Variants in TRAF2 observed in about 807,000 individuals in gnomAD.
TRAF2 encodes the protein TNF receptor associated factor 2.
TRAF2 carries 6 observed loss-of-function variants against 55.6 expected under a neutral mutation model. The ratio of observed to expected loss-of-function variants is 0.11; its 90% confidence interval spans 0.06 to 0.21. The LOEUF (loss-of-function observed/expected upper bound fraction) is 0.21, where lower values mean the gene tolerates loss of function less well. Ranked by LOEUF, TRAF2 falls within the 10% of genes least tolerant of loss-of-function variation. The probability of loss-of-function intolerance (pLI) is 1.00; values close to 1 mark genes in which losing one functional copy is unlikely to be tolerated. For missense variants in TRAF2, 561 were observed against 684.5 expected (o/e 0.82, Z 2.01); for synonymous variants, 329 against 276.3 (o/e 1.19, Z -1.89).
At chr9:136,885,647 A>T (rs2131266315), upstream of TRAF2, among the ~76,000 whole-genome samples, 1 of 152,312 alleles carries the variant, frequency 6.6e-6, no homozygotes, top group Non-Finnish European at 1.5e-5. Flanking sequence ...GGGCGCCTGT[A>T]GTCCCAGCTA....
At chr9:136,916,768 G>C (rs1161876750) in intron 7 of TRAF2, 153 bp downstream of exon 7, 1 of 741,702 alleles carries the variant, frequency 1.3e-6, no homozygotes. Context: ...AGTGTTCCCA[G>C]CTTGGTCTCT....
intron 7 of TRAF2, 50 bp downstream of exon 7, chr9:136,916,665 T>C: frequency 6.4e-7 from 1 of 1,563,570 alleles, no homozygotes; most frequent in South Asian, 1.1e-5. Context: ...CTGGGTGTGG[T>C]CTTCACTGCC....
chr9:136,925,191 G>C (rs757305943), intron 10 of TRAF2, among the ~76,000 whole-genome samples: 4 of 152,190 alleles, frequency 2.6e-5, no homozygotes, highest in Non-Finnish European at 4.4e-5. Flanking sequence ...AGAGTTGGGT[G>C]GGGGAGGGGG....
upstream of TRAF2, chr9:136,886,485 G>T: frequency 1.4e-5 from 14 of 1,003,184 alleles, no homozygotes; most frequent in Non-Finnish European, 1.7e-5. Flanking sequence ...CGGCGGCGGC[G>T]GCGTTGGGGG....
chr9:136,910,079 G>A (rs577235504), intron 6 of TRAF2, 85 bp downstream of exon 6: 4 of 1,389,948 alleles, frequency 2.9e-6, no homozygotes, highest in Non-Finnish European at 4.0e-6. Context: ...GGTGGGGCAG[G>A]TTATGACCCT....
chr9:136,907,972 C>T, intron 4 of TRAF2, 98 bp from the exon 5 acceptor site: 1 of 1,484,972 alleles, frequency 6.7e-7, no homozygotes, highest in South Asian at 1.3e-5. Flanking sequence ...CATGCGGACA[C>T]CAAGCCAGCG....
intron 10 of TRAF2, among the ~76,000 whole-genome samples, chr9:136,924,924 A>G (rs995643876): frequency 2.6e-5 from 4 of 152,092 alleles, no homozygotes; most frequent in Non-Finnish European, 5.9e-5. Flanking sequence ...TTTTTAGTAG[A>G]GATGGGGTTT....
At chr9:136,923,704 G>A (rs1850453229) in intron 9 of TRAF2, 148 bp from the exon 10 acceptor site, 4 of 489,950 alleles carry the variant, frequency 8.2e-6, no homozygotes, top group Non-Finnish European at 1.2e-5. Context: ...TGCATAGTTT[G>A]AGGGAAAAAA....
upstream of TRAF2, chr9:136,882,016 G>A (rs750757214): frequency 4.5e-5 from 44 of 985,090 alleles, no homozygotes; most frequent in Non-Finnish European, 5.3e-5. Context: ...GTGAGCAAGT[G>A]GACTGCGGCT....
chr9:136,914,166 T>C (rs1343441309), intron 6 of TRAF2, among the ~76,000 whole-genome samples: 1 of 152,294 alleles, frequency 6.6e-6, no homozygotes, highest in Admixed American at 6.5e-5. Flanking sequence ...GGGCACCCTT[T>C]ATCAGATGAG....
intron 5 of TRAF2, 76 bp downstream of exon 5, chr9:136,908,307 G>A: frequency 2.8e-6 from 4 of 1,437,576 alleles, no homozygotes; most frequent in East Asian, 2.5e-5. Flanking sequence ...GCTGGCCACT[G>A]CGGCTGCGTC....
At chr9:136,908,802 G>A (rs889819180) in intron 5 of TRAF2, among the ~76,000 whole-genome samples, 22 of 150,912 alleles carry the variant, frequency 1.5e-4, no homozygotes, top group Admixed American at 5.9e-4. Flanking sequence ...CCCAGGAGGC[G>A]GAGCTTGCAG....
intron 6 of TRAF2, among the ~76,000 whole-genome samples, chr9:136,915,235 C>CA (rs1850213191): frequency 1.3e-5 from 2 of 152,068 alleles, no homozygotes; most frequent in Non-Finnish European, 2.9e-5. Context: ...GCGAAAACTA[C>CA]AAAAAAGGTG....
rs555094695 is a variant in TRAF2, at chr9:136,900,578, C to T, written c.366+58C>T. ...AGCTCCAGCAGTCGGGAGTCGTCCA[C>T]GCTCCCCAAGCAGTTATGACCTTGT... On this transcript the variant is annotated intron_variant, in intron 4 of 10. Coordinates refer to ENST00000247668, the MANE Select transcript of TRAF2 (RefSeq NM_021138.4). 4.6e-4 allele frequency: 644 copies of T among 1,405,242 alleles called. 2 individuals are homozygous for T. The highest frequency in any genetic ancestry group is 1.7e-3 in the East Asian group (74 of 43,422). The allele number at this position is 1,405,242 out of a possible 1,614,324, so 87.0% of individuals were successfully genotyped here. A position where few individuals can be genotyped will look rare whatever the true frequency, so the allele number is the denominator to read the frequency against.
intron 4 of TRAF2, among the ~76,000 whole-genome samples, chr9:136,907,021 A>G (rs1471988702): frequency 6.6e-6 from 1 of 152,244 alleles, no homozygotes; most frequent in Admixed American, 6.5e-5. Context: ...AGAGCCCTCA[A>G]GACGGTCGGG....
At chr9:136,894,726 G>C (rs1849646723) in intron 1 of TRAF2, among the ~76,000 whole-genome samples, 2 of 152,168 alleles carry the variant, frequency 1.3e-5, no homozygotes, top group Admixed American at 1.3e-4. Flanking sequence ...GGAGCAGAGA[G>C]CAGGGTCGGG....
chr9:136,882,084 A>C, upstream of TRAF2: 1 of 976,290 alleles, frequency 1.0e-6, no homozygotes. Flanking sequence ...TCCCTTGTTC[A>C]TGGTCCCGTG....
intron 1 of TRAF2, among the ~76,000 whole-genome samples, chr9:136,893,429 A>G (rs1208468469): frequency 1.3e-5 from 2 of 152,232 alleles, no homozygotes; most frequent in Admixed American, 6.5e-5. Flanking sequence ...CAGTTTCTCA[A>G]GAGTCAGCCC....
chr9:136,920,823 C>G (rs567452654), intron 8 of TRAF2, among the ~76,000 whole-genome samples: 1 of 152,334 alleles, frequency 6.6e-6, no homozygotes, highest in East Asian at 1.9e-4. Context: ...GGCTTCTGAG[C>G]ACGCTTGCTG....
Sources: allele counts gnomAD v4.1 joint callset (sites outside exome capture counted in the v4.1 genomes callset), GRCh38; gene constraint gnomAD v4.1.1; transcripts MANE v1.5; gene names NCBI Gene and HGNC (gene_info 2026-07-23, HGNC 2026-07-21).